Variants in SWT1 observed in about 807,000 individuals in gnomAD.
SWT1 encodes the protein transcriptional protein SWT1.
A neutral mutation model predicts 107.3 loss-of-function variants in SWT1; 33 were observed. The ratio of observed to expected loss-of-function variants is 0.31; its 90% CI spans 0.23 to 0.41. SWT1 has a LOEUF of 0.41. Ranked by LOEUF, SWT1 falls within the 10% of genes least tolerant of loss-of-function variation. The probability of loss-of-function intolerance (pLI) is 1.00; values close to 1 mark genes in which losing one functional copy is unlikely to be tolerated. For missense variants in SWT1, 898 were observed against 1,028.9 expected, an observed-to-expected ratio of 0.87 and a Z score of 1.74; for synonymous variants, 345 against 348.3, an observed-to-expected ratio of 0.99 and a Z score of 0.11.
At chr1:185,167,703 A>T (rs1367957136) in intron 3 of SWT1, among the ~76,000 whole-genome samples, 5 of 152,090 alleles carry the variant, frequency 3.3e-5, no homozygotes, top group Non-Finnish European at 1.5e-5. Flanking sequence ...TCCTTGAAAG[A>T]GGCCCTCTTG....
chr1:185,160,109 A>T (rs2102286903), intron 1 of SWT1, among the ~76,000 whole-genome samples: 1 of 152,296 alleles, frequency 6.6e-6, no homozygotes, highest in African/African-American at 2.4e-5. Context: ...ACAAAGACTT[A>T]AAAAAAGCAT....
intron 3 of SWT1, 77 bp from the exon 4 acceptor site, chr1:185,168,263 C>A: frequency 3.7e-6 from 3 of 821,352 alleles, no homozygotes; most frequent in Non-Finnish European, 5.2e-6. Context: ...ATTGTGTCAG[C>A]CTATTCACTA....
chr1:185,263,781 AT>A (rs1253942023), intron 16 of SWT1: 3 of 152,078 alleles, frequency 2.0e-5, no homozygotes, highest in Non-Finnish European at 4.4e-5. Flanking sequence ...TGGGACTAGA[AT>A]TTTACATCTT....
At chr1:185,222,620 C>G (rs1659746697) in intron 15 of SWT1, among the ~76,000 whole-genome samples, 1 of 151,714 alleles carries the variant, frequency 6.6e-6, no homozygotes, top group Non-Finnish European at 1.5e-5. Context: ...CAAAAATAAG[C>G]CGGGCGTGAT....
chr1:185,205,367 T>G (rs1056850367), intron 12 of SWT1, among the ~76,000 whole-genome samples: 1 of 152,106 alleles, frequency 6.6e-6, no homozygotes, highest in African/African-American at 2.4e-5. Context: ...GTTCAGTGTT[T>G]TTTGTTTTGT....
At chr1:185,188,859 G>A (rs1656711701) in intron 9 of SWT1, among the ~76,000 whole-genome samples, 1 of 152,164 alleles carries the variant, frequency 6.6e-6, no homozygotes, top group Non-Finnish European at 1.5e-5. Context: ...TATATTTGGG[G>A]TATGGTCCTG....
At chr1:185,286,367 G>A (rs1269689613) in intron 18 of SWT1, among the ~76,000 whole-genome samples, 2 of 152,074 alleles carry the variant, frequency 1.3e-5, no homozygotes, top group African/African-American at 2.4e-5. Flanking sequence ...GGGATTACAG[G>A]TGCACGCCAC....
intron 16 of SWT1, among the ~76,000 whole-genome samples, chr1:185,265,372 AT>A: frequency 6.6e-6 from 1 of 152,202 alleles, no homozygotes; most frequent in East Asian, 1.9e-4. Context: ...AAAACGTATA[AT>A]TTTAGTTTTA....
intron 14 of SWT1, 62 bp downstream of exon 14, chr1:185,214,717 A>T: frequency 7.5e-7 from 1 of 1,339,976 alleles, no homozygotes; most frequent in Non-Finnish European, 1.0e-6. Flanking sequence ...AAATGTGTTT[A>T]GCAGACAACA....
In SWT1 at chr1:185,252,746, G is replaced by A. The variant is rs1210518712; in HGVS notation, c.2442-18577G>A. 9.2e-5 allele frequency among the ~76,000 whole-genome samples: 14 copies of A among 152,304 alleles called. 1 individual carries two copies. Among genetic ancestry groups the A allele is most frequent in the African/African-American group, 3.4e-4 (14 of 41,558 alleles). ...ATTTTGTAGGTTGCCTGTTCACTCT[G>A]TTGGTAGTTTCTTTTGCTGTACAGA... On this transcript the variant is annotated intron_variant, in intron 16 of 18. Coordinates refer to ENST00000367500, the MANE Select transcript of SWT1 (RefSeq NM_017673.7).
At chr1:185,284,884 A>C (rs184894200) in intron 18 of SWT1, among the ~76,000 whole-genome samples, 53 of 151,030 alleles carry the variant, frequency 3.5e-4, no homozygotes, top group African/African-American at 1.2e-3. Context: ...TCCTCAGATA[A>C]GTGTCTTTTT....
At chr1:185,251,593 T>C (rs773334279) in intron 16 of SWT1, among the ~76,000 whole-genome samples, 2 of 152,158 alleles carry the variant, frequency 1.3e-5, no homozygotes, top group Non-Finnish European at 2.9e-5. Flanking sequence ...GAATTGATCC[T>C]CTTTACTGCT....
At chr1:185,262,583 A>T (rs1207114819) in intron 16 of SWT1, 1 of 152,176 alleles carries the variant, frequency 6.6e-6, no homozygotes, top group African/African-American at 2.4e-5. Flanking sequence ...CCATAACAAA[A>T]TACCACAGAC....
chr1:185,210,847 T>A (rs1223732561), intron 13 of SWT1, among the ~76,000 whole-genome samples: 1 of 152,118 alleles, frequency 6.6e-6, no homozygotes, highest in Admixed American at 6.5e-5. Flanking sequence ...TTCAGCAAAG[T>A]CTCAGGATAC....
chr1:185,193,657 G>A (rs184438712), intron 10 of SWT1, among the ~76,000 whole-genome samples: 120 of 152,150 alleles, frequency 7.9e-4, no homozygotes, highest in Non-Finnish European at 8.2e-4. Context: ...AGTAGAGACA[G>A]GGTTTCACCA....
chr1:185,288,971 C>T (rs1364159836), intron 18 of SWT1, among the ~76,000 whole-genome samples: 3 of 152,138 alleles, frequency 2.0e-5, no homozygotes, highest in Non-Finnish European at 4.4e-5. Context: ...AGGTTACTAA[C>T]ATTCCTTTGG....
At chr1:185,248,430 T>C (rs1361554745) in intron 16 of SWT1, among the ~76,000 whole-genome samples, 2 of 152,238 alleles carry the variant, frequency 1.3e-5, no homozygotes, top group Admixed American at 6.5e-5. Flanking sequence ...CAACTTTATA[T>C]TGAAAGTCAT....
intron 10 of SWT1, among the ~76,000 whole-genome samples, chr1:185,194,914 T>C (rs1009979646): frequency 2.0e-5 from 3 of 152,194 alleles, no homozygotes; most frequent in African/African-American, 7.2e-5. Flanking sequence ...CAGTATGTTG[T>C]TTTTCTCTGG....
chr1:185,176,456 C>A, intron 5 of SWT1: 1 of 539,886 alleles, frequency 1.9e-6, no homozygotes, highest in Non-Finnish European at 2.4e-6. Context: ...GGGATCTAGG[C>A]TAGAAAGCTT....
Sources: gnomAD v4.1 joint callset for allele counts (sites outside exome capture counted in the v4.1 genomes callset) on GRCh38, gnomAD v4.1.1 for gene constraint, MANE v1.5 for transcripts, NCBI Gene and HGNC (gene_info 2026-07-23, HGNC 2026-07-21) for gene names.